The following BNC2 variants were observed in gnomAD, a reference collection of about 807,000 sequenced individuals.
The protein encoded by BNC2 is basonuclin zinc finger protein 2.
A neutral mutation model predicts 76.3 loss-of-function variants in BNC2; 20 were observed. That is an observed-to-expected ratio of 0.26 (90% CI 0.18 to 0.38). The LOEUF (loss-of-function observed/expected upper bound fraction) is 0.38, where lower values mean the gene tolerates loss of function less well. Ranked by LOEUF, BNC2 falls within the 10% of genes least tolerant of loss-of-function variation. The pLI is 1.00. For missense variants in BNC2, 1,382 were observed against 1,399.8 expected (o/e 0.99, Z 0.20); for synonymous variants, 582 against 514.8 (o/e 1.13, Z -1.77).
At chr9:16,859,704 G>A (rs1433603043) in intron 1 of BNC2, among the ~76,000 whole-genome samples, 1 of 152,220 alleles carries the variant, frequency 6.6e-6, no homozygotes, top group Non-Finnish European at 1.5e-5. Flanking sequence ...AGGGCTGGGA[G>A]GAAAAGGTAA....
At chr9:16,768,542 T>A (rs1160584147) in intron 1 of BNC2, among the ~76,000 whole-genome samples, 1 of 152,052 alleles carries the variant, frequency 6.6e-6, no homozygotes, top group African/African-American at 2.4e-5. Context: ...CAAATGCACA[T>A]GTTAGTAGAA....
At chr9:16,556,400 A>G (rs1472545849) in intron 4 of BNC2, among the ~76,000 whole-genome samples, 3 of 152,184 alleles carry the variant, frequency 2.0e-5, no homozygotes, top group African/African-American at 7.2e-5. Flanking sequence ...AGTCAATAGT[A>G]GATCACAAAA....
chr9:16,812,131 G>C (rs1038905087), intron 1 of BNC2, among the ~76,000 whole-genome samples: 1 of 152,156 alleles, frequency 6.6e-6, no homozygotes, highest in Non-Finnish European at 1.5e-5. Context: ...CTACCTGCCT[G>C]GCTACAGAAC....
rs557420776 is a variant in BNC2 at position 16,675,894 on chromosome 9, T to G, written c.330+51903A>C. Among the ~76,000 whole-genome samples, 397 of 152,168 alleles carry G rather than the reference T, an allele frequency of 2.6e-3. 3 individuals are homozygous for G. The highest frequency in any genetic ancestry group is 3.7e-3 in the Non-Finnish European group (255 of 68,000). ...TGAATCTCAGCTACCCATGTGAAATTTTGTATTTTAAAATACAAAAATTAG... is the reference window on the plus strand; with the variant it reads ...TGAATCTCAGCTACCCATGTGAAATGTTGTATTTTAAAATACAAAAATTAG... On this transcript the variant is annotated intron_variant, in intron 3 of 6. Coordinates refer to ENST00000380672, the MANE Select transcript of BNC2 (RefSeq NM_017637.6).
intron 3 of BNC2, among the ~76,000 whole-genome samples, chr9:16,715,815 A>G (rs1056321388): frequency 6.6e-6 from 1 of 151,970 alleles, no homozygotes; most frequent in Non-Finnish European, 1.5e-5. Context: ...GACAACTACT[A>G]CTCCTTAAAA....
chr9:16,599,325 A>C (rs1587218932), intron 3 of BNC2, among the ~76,000 whole-genome samples: 2 of 152,336 alleles, frequency 1.3e-5, no homozygotes, highest in South Asian at 4.1e-4. Context: ...CTTTCATAGG[A>C]TCAAAAGGAA....
chr9:16,808,277 T>C (rs1354556314), intron 1 of BNC2, among the ~76,000 whole-genome samples: 1 of 152,038 alleles, frequency 6.6e-6, no homozygotes, highest in African/African-American at 2.4e-5. Context: ...TACCCACCAT[T>C]TTCATTATTA....
At chr9:16,870,277 A>C (rs1369105791) in intron 1 of BNC2, among the ~76,000 whole-genome samples, 4 of 145,420 alleles carry the variant, frequency 2.8e-5, no homozygotes, top group East Asian at 2.0e-4. Flanking sequence ...TTCATCCCCC[A>C]CTCCCCTCCA....
At chr9:16,601,997 T>C (rs888654538) in intron 3 of BNC2, among the ~76,000 whole-genome samples, 2 of 152,202 alleles carry the variant, frequency 1.3e-5, no homozygotes, top group African/African-American at 2.4e-5. Context: ...TATGGAGCCA[T>C]ATACAGCAAT....
intron 5 of BNC2, among the ~76,000 whole-genome samples, chr9:16,442,995 C>G (rs1392807630): frequency 6.8e-6 from 1 of 147,848 alleles, no homozygotes; most frequent in African/African-American, 2.5e-5. Flanking sequence ...CTAACCCCAG[C>G]TACTCGGGAG....
chr9:16,759,227 C>G (rs1825480889), intron 1 of BNC2, among the ~76,000 whole-genome samples: 1 of 152,172 alleles, frequency 6.6e-6, no homozygotes, highest in South Asian at 2.1e-4. Context: ...GGAATTGAGG[C>G]TTAATTCACT....
chr9:16,630,749 C>CTTT (rs755684997), intron 3 of BNC2, among the ~76,000 whole-genome samples: 1 of 140,194 alleles, frequency 7.1e-6, no homozygotes, highest in African/African-American at 2.8e-5. Flanking sequence ...TGGAGCGTTT[C>CTTT]TTTTTTTGAA....
chr9:16,456,002 G>T (rs929775937), intron 5 of BNC2, among the ~76,000 whole-genome samples: 1 of 152,130 alleles, frequency 6.6e-6, no homozygotes, highest in Non-Finnish European at 1.5e-5. Context: ...CAATGAAAGA[G>T]CTCAAGCCAC....
At chr9:16,472,890 G>A (rs940715294) in intron 5 of BNC2, among the ~76,000 whole-genome samples, 1 of 152,220 alleles carries the variant, frequency 6.6e-6, no homozygotes, top group African/African-American at 2.4e-5. Flanking sequence ...GTGGACATTT[G>A]AAAATGTGTA....
chr9:16,786,073 A>C (rs10810627), intron 1 of BNC2, among the ~76,000 whole-genome samples: 34,951 of 152,034 alleles, frequency 0.23, 5,120 homozygotes, highest in East Asian at 0.66. Context: ...CAAAGAGTTA[A>C]AATTACCCAT....
intron 1 of BNC2, among the ~76,000 whole-genome samples, chr9:16,786,206 C>T (rs1185005567): frequency 6.6e-6 from 1 of 152,220 alleles, no homozygotes; most frequent in Non-Finnish European, 1.5e-5. Flanking sequence ...CATATGGGAA[C>T]TTACCTGGGG....
chr9:16,860,132 A>G (rs1484017398), intron 1 of BNC2, among the ~76,000 whole-genome samples: 2 of 152,118 alleles, frequency 1.3e-5, no homozygotes, highest in Non-Finnish European at 2.9e-5. Context: ...AAAAAAAAAA[A>G]AGGATTAACA....
intron 5 of BNC2, among the ~76,000 whole-genome samples, chr9:16,516,466 C>A (rs1267817002): frequency 6.6e-6 from 1 of 151,890 alleles, no homozygotes; most frequent in African/African-American, 2.4e-5. Context: ...ACCTTCTATA[C>A]CAACTGAGAT....
intron 4 of BNC2, among the ~76,000 whole-genome samples, chr9:16,557,052 T>C (rs139029529): frequency 8.5e-5 from 13 of 152,206 alleles, no homozygotes; most frequent in African/African-American, 2.6e-4. Flanking sequence ...CTGGATCTTG[T>C]AGGGTTAGGA....
Sources: allele counts gnomAD v4.1 joint callset (sites outside exome capture counted in the v4.1 genomes callset), GRCh38; gene constraint gnomAD v4.1.1; transcripts MANE v1.5; gene names NCBI Gene and HGNC (gene_info 2026-07-23, HGNC 2026-07-21).